CACHD1: variants seen among roughly 807,000 people sequenced by gnomAD.
CACHD1 encodes cache domain containing 1.
Under a neutral mutation model 138.7 loss-of-function variants are expected in CACHD1, and 71 were observed. The observed-to-expected ratio is 0.51, with a 90% CI of 0.42 to 0.62. CACHD1 has a LOEUF of 0.62. Ranked by LOEUF, CACHD1 falls within the 20% of genes least tolerant of loss-of-function variation. The pLI, the probability that CACHD1 is intolerant of heterozygous loss-of-function variation, is 0.00. For synonymous variants in CACHD1, 578 were observed against 591.5 expected (o/e 0.98, Z 0.33); for missense variants, 1,389 against 1,625.3 (o/e 0.85, Z 2.50).
intron 4 of CACHD1, among the ~76,000 whole-genome samples, chr1:64,619,432 T>C (rs966958155): frequency 1.3e-5 from 2 of 152,228 alleles, no homozygotes; most frequent in Admixed American, 6.5e-5. Flanking sequence ...AGTCAGTTTG[T>C]TGAAGTCCTT....
intron 26 of CACHD1, among the ~76,000 whole-genome samples, chr1:64,687,967 G>T (rs977172044): frequency 6.6e-6 from 1 of 151,984 alleles, no homozygotes; most frequent in African/African-American, 2.4e-5. Context: ...CAGAATGCAT[G>T]TAAAATCACA....
intron 2 of CACHD1, among the ~76,000 whole-genome samples, chr1:64,574,116 G>C (rs945336943): frequency 3.9e-5 from 6 of 152,168 alleles, no homozygotes; most frequent in African/African-American, 1.2e-4. Flanking sequence ...AATTTGATCT[G>C]GGAGAGTTCA....
At chr1:64,672,736 C>A (rs1231527436) in intron 17 of CACHD1, among the ~76,000 whole-genome samples, 1 of 152,126 alleles carries the variant, frequency 6.6e-6, no homozygotes, top group East Asian at 1.9e-4. Flanking sequence ...GTATATTTAT[C>A]ATTGAAAGAA....
At chr1:64,518,607 C>A (rs960424848) in intron 1 of CACHD1, among the ~76,000 whole-genome samples, 1 of 152,268 alleles carries the variant, frequency 6.6e-6, no homozygotes, top group African/African-American at 2.4e-5. Context: ...GTCAGAGGAT[C>A]AAGGTCCATG....
intron 1 of CACHD1, among the ~76,000 whole-genome samples, chr1:64,518,595 G>A (rs545515694): frequency 6.6e-6 from 1 of 152,286 alleles, no homozygotes; most frequent in South Asian, 2.1e-4. Flanking sequence ...TGGATTGGTG[G>A]AGTCAGAGGA....
intron 8 of CACHD1, among the ~76,000 whole-genome samples, chr1:64,643,546 G>T (rs1285756587): frequency 6.6e-6 from 1 of 152,152 alleles, no homozygotes; most frequent in East Asian, 1.9e-4. Flanking sequence ...TAAAGAAAGT[G>T]TCCTCAAAGA....
intron 16 of CACHD1, 131 bp from the exon 17 acceptor site, chr1:64,671,433 G>A: frequency 4.3e-6 from 4 of 931,556 alleles, no homozygotes; most frequent in Non-Finnish European, 5.0e-6. Context: ...GATCATTTTT[G>A]TAGGTGGGAA....
At chr1:64,661,700 A>G (rs1038890831) in intron 13 of CACHD1, among the ~76,000 whole-genome samples, 1 of 152,138 alleles carries the variant, frequency 6.6e-6, no homozygotes, top group African/African-American at 2.4e-5. Flanking sequence ...AAAAGAATAT[A>G]TACATGAATC....
At chr1:64,603,099 CTTTT>C (rs34372401) in intron 4 of CACHD1, among the ~76,000 whole-genome samples, 187 bp downstream of exon 4, 884 of 64,910 alleles carry the variant, frequency 0.014, 9 homozygotes, top group African/African-American at 0.042. Flanking sequence ...AAGCTTACAT[CTTTT>C]TTTTTTTTTT....
At chr1:64,533,386 C>T (rs527901200) in intron 1 of CACHD1, among the ~76,000 whole-genome samples, 24 of 152,202 alleles carry the variant, frequency 1.6e-4, no homozygotes, top group Admixed American at 6.5e-5. Flanking sequence ...CTTCAGACAC[C>T]GAGCTGTTGT....
At chr1:64,474,707 T>C (rs867644694) in intron 1 of CACHD1, among the ~76,000 whole-genome samples, 3 of 152,270 alleles carry the variant, frequency 2.0e-5, no homozygotes, top group Non-Finnish European at 4.4e-5. Context: ...AATGCCTGCT[T>C]GTTAGAAGGC....
intron 3 of CACHD1, among the ~76,000 whole-genome samples, chr1:64,584,314 T>C (rs1647034125): frequency 6.6e-6 from 1 of 152,120 alleles, no homozygotes. Flanking sequence ...AGAATTACCT[T>C]GCCCAAAATG....
At chr1:64,510,147 C>T (rs1355425294) in intron 1 of CACHD1, among the ~76,000 whole-genome samples, 1 of 152,142 alleles carries the variant, frequency 6.6e-6, no homozygotes, top group Non-Finnish European at 1.5e-5. Context: ...GGTACGTGAC[C>T]AGCTGCGTGA....
chr1:64,663,023 G>A (rs1270912551), intron 13 of CACHD1, among the ~76,000 whole-genome samples: 2 of 152,194 alleles, frequency 1.3e-5, no homozygotes, highest in Non-Finnish European at 2.9e-5. Context: ...GCAAATGAGA[G>A]AAACACTACA....
chr1:64,565,700 GTTTCTTTATCAGT>G (rs1465877208), intron 2 of CACHD1, among the ~76,000 whole-genome samples: 13 of 152,104 alleles, frequency 8.5e-5, no homozygotes, highest in Admixed American at 7.2e-4. Context: ...TAATATTTAT[GTTTCTTTATCAGT>G]TTTCTTTGTG....
chr1:64,480,886 C>CTTTTTTTTTTTTTT lies in CACHD1; in HGVS notation c.198+9957_198+9958insTTTTTTTTTTTTTT, dbSNP rs530847374. Among the ~76,000 whole-genome samples the CTTTTTTTTTTTTTT allele has an allele frequency of 1.5e-3, 215 of 140,454 alleles. 1 individual carries two copies. Among genetic ancestry groups the CTTTTTTTTTTTTTT allele is most frequent in the African/African-American group, 5.3e-3 (200 of 37,866 alleles). The allele number at this position is 140,454 out of a possible 152,430, so 92.1% of individuals were successfully genotyped here. On this transcript the variant is annotated intron_variant, in intron 1 of 26. Coordinates refer to ENST00000651257, the MANE Select transcript of CACHD1 (RefSeq NM_020925.4). ...AAGTTGTTTCTTTCTCTCTCTCTCC[C>CTTTTTTTTTTTTTT]TTTTTTTTTTTTTGGGTGAAAATTG...
intron 9 of CACHD1, among the ~76,000 whole-genome samples, chr1:64,650,406 C>G (rs1325512314): frequency 1.3e-5 from 2 of 152,188 alleles, no homozygotes; most frequent in African/African-American, 4.8e-5. Flanking sequence ...CCGCTTACAA[C>G]CTATTTATCC....
chr1:64,660,771 C>G (rs570788134), intron 13 of CACHD1, among the ~76,000 whole-genome samples: 12 of 152,218 alleles, frequency 7.9e-5, no homozygotes, highest in Admixed American at 7.9e-4. Flanking sequence ...CTCAGGTGAT[C>G]CTCCCGCCTT....
intron 2 of CACHD1, among the ~76,000 whole-genome samples, chr1:64,555,876 A>G (rs975910783): frequency 1.3e-5 from 2 of 151,920 alleles, no homozygotes; most frequent in African/African-American, 2.4e-5. Flanking sequence ...TACTTTCTTC[A>G]TTTGTTTTCA....
Sources: gnomAD v4.1 joint callset for allele counts (sites outside exome capture counted in the v4.1 genomes callset) on GRCh38, gnomAD v4.1.1 for gene constraint, MANE v1.5 for transcripts, NCBI Gene and HGNC (gene_info 2026-07-23, HGNC 2026-07-21) for gene names.